The following RAB7B variants were observed in gnomAD, a reference collection of about 807,000 sequenced individuals.
RAB7B encodes ras-related protein Rab-7b.
chr1:205,994,289 A>T (rs1177144000), intron 1 of RAB7B, 138 bp from the exon 2 acceptor site: 1 of 391,370 alleles, frequency 2.6e-6, no homozygotes, highest in Non-Finnish European at 4.5e-6. Context: ...TCTCCGAAGG[A>T]GGCACGTAAT....
chr1:205,978,263 CT>C lies in RAB7B; in HGVS notation c.*587del, dbSNP rs1439180188. On this transcript the variant is annotated 3_prime_UTR_variant, in exon 6 of 6. Transcript: ENST00000617070. ...AATGAGCCATGGTCCCTTGTGGCTT[CT>C]CCTGTGCTCCCTCAGTCTTCTACCC... 1.3e-5 allele frequency: 2 copies of C among 152,172 alleles called. No individual in the cohort carries two copies. Among genetic ancestry groups the C allele is most frequent in the African/African-American group, 4.8e-5 (2 of 41,432 alleles). 9.4% of individuals were successfully genotyped at this position (152,172 alleles called of 1,614,324 possible). A position where few individuals can be genotyped will look rare whatever the true frequency, so the allele number is the denominator to read the frequency against.
intron 1 of RAB7B, 173 bp from the exon 2 acceptor site, chr1:205,994,324 C>G (rs1660774384): frequency 8.1e-6 from 3 of 369,972 alleles, no homozygotes; most frequent in Non-Finnish European, 9.6e-6. Flanking sequence ...ATATCTTCTC[C>G]CTCACTTTCC....
At chr1:206,001,714 C>T (rs952492922) in intron 1 of RAB7B, among the ~76,000 whole-genome samples, 16 of 152,328 alleles carry the variant, frequency 1.1e-4, no homozygotes, top group Admixed American at 5.9e-4. Flanking sequence ...CTTTCCCCTT[C>T]TTGTCTGGCA....
chr1:205,980,481 T>A (rs2102630624), intron 5 of RAB7B, among the ~76,000 whole-genome samples: 1 of 152,372 alleles, frequency 6.6e-6, no homozygotes, highest in East Asian at 1.9e-4. Context: ...CCAGGCCTCT[T>A]GACAACTTGT....
chr1:205,982,520 T>C (rs1393619393), intron 5 of RAB7B, among the ~76,000 whole-genome samples: 6 of 152,192 alleles, frequency 3.9e-5, no homozygotes, highest in African/African-American at 1.4e-4. Flanking sequence ...TGTAATGCCC[T>C]CTCTGCACTA....
At chr1:205,989,575 T>C (rs1660681643) in intron 4 of RAB7B, among the ~76,000 whole-genome samples, 2 of 152,084 alleles carry the variant, frequency 1.3e-5, no homozygotes, top group East Asian at 3.9e-4. Context: ...AGGGCCTCTG[T>C]AAAATAAGAA....
intron 3 of RAB7B, 67 bp from the exon 4 acceptor site, chr1:205,992,762 C>T (rs1233929131): frequency 1.0e-5 from 4 of 398,376 alleles, no homozygotes; most frequent in East Asian, 3.6e-5. Context: ...AGCTGGATTA[C>T]ATCATGTCAA....
chr1:205,998,534 A>G (rs900012538), intron 1 of RAB7B, among the ~76,000 whole-genome samples: 46 of 152,336 alleles, frequency 3.0e-4, no homozygotes, highest in Middle Eastern at 6.8e-3. Flanking sequence ...AGGCTGCCAA[A>G]GTGGCAGAGA....
At chr1:206,000,293 G>T (rs1010129863) in intron 1 of RAB7B, among the ~76,000 whole-genome samples, 1 of 152,186 alleles carries the variant, frequency 6.6e-6, no homozygotes, top group African/African-American at 2.4e-5. Context: ...TGTTACACAA[G>T]CCTAAGTTGT....
At position 205,998,723 on chromosome 1, in the gene RAB7B, A is replaced by G. The variant is rs1032502810; in HGVS notation, c.-17+4530T>C. On this transcript the variant is annotated intron_variant, in intron 1 of 5. Coordinates refer to ENST00000617070, the MANE Select transcript of RAB7B (RefSeq NM_001164522.3). The stretch of plus-strand genomic sequence containing the variant: ...ACAAGCTAACATTTGTTTGGTGGGC[A>G]CTGTGCTGAGGGCTTTGTGAATACA... Among the ~76,000 whole-genome samples the G allele has an allele frequency of 2.8e-3, 428 of 152,368 alleles. 1 individual carries two copies. The highest frequency in any genetic ancestry group is 5.1e-3 in the Non-Finnish European group (347 of 68,042).
At chr1:206,000,161 T>TA (rs1208191353) in intron 1 of RAB7B, among the ~76,000 whole-genome samples, 2 of 152,216 alleles carry the variant, frequency 1.3e-5, no homozygotes, top group Non-Finnish European at 2.9e-5. Flanking sequence ...CTGAACGTTT[T>TA]ATATAGTGTG....
chr1:205,982,019 G>A (rs968793051), intron 5 of RAB7B, among the ~76,000 whole-genome samples: 31 of 152,268 alleles, frequency 2.0e-4, no homozygotes, highest in African/African-American at 6.3e-4. Context: ...CACCTACTCC[G>A]GTCTCTTTCA....
At chr1:205,998,727 T>G (rs892618225) in intron 1 of RAB7B, among the ~76,000 whole-genome samples, 11 of 152,252 alleles carry the variant, frequency 7.2e-5, no homozygotes, top group Non-Finnish European at 1.3e-4. Context: ...GTGGGCACTG[T>G]GCTGAGGGCT....
intron 1 of RAB7B, among the ~76,000 whole-genome samples, chr1:205,995,010 A>T (rs1326939422): frequency 6.6e-6 from 1 of 152,126 alleles, no homozygotes; most frequent in Admixed American, 6.5e-5. Flanking sequence ...ATTGCAAGGA[A>T]CAAAAACCAA....
chr1:205,984,394 A>G (rs1660553076), intron 5 of RAB7B, among the ~76,000 whole-genome samples: 1 of 152,182 alleles, frequency 6.6e-6, no homozygotes, highest in Admixed American at 6.5e-5. Flanking sequence ...TGCAGAGGGC[A>G]TCCCATGAGG....
chr1:205,985,826 TCCCCACCAG>T (rs1660594304), intron 4 of RAB7B, among the ~76,000 whole-genome samples, 161 bp from the exon 5 acceptor site: 1 of 144,748 alleles, frequency 6.9e-6, no homozygotes, highest in Non-Finnish European at 1.5e-5. Context: ...AGGCCCACCA[TCCCCACCAG>T]GCCCACCACC....
At chr1:205,984,145 C>A (rs1198632513) in intron 5 of RAB7B, 1 of 152,318 alleles carries the variant, frequency 6.6e-6, no homozygotes, top group Admixed American at 6.5e-5. Flanking sequence ...AGCCACACTT[C>A]TTGACCAAGC....
chr1:205,988,102 T>C lies in RAB7B; in HGVS notation c.397-2437A>G, dbSNP rs1045627848. 7.6e-4 allele frequency among the ~76,000 whole-genome samples: 115 copies of C among 152,270 alleles called. 1 individual carries two copies. Among genetic ancestry groups the C allele is most frequent in the African/African-American group, 2.7e-3 (112 of 41,552 alleles). On this transcript the variant is annotated intron_variant, in intron 4 of 5. Transcript: ENST00000617070. The stretch of plus-strand genomic sequence containing the variant: ...TCGGTACATTCATATTGTATTCACA[T>C]TGTACATTCCTTGCTATTCATCTTC...
intron 3 of RAB7B, among the ~76,000 whole-genome samples, 199 bp downstream of exon 3, chr1:205,993,221 A>G (rs1376264375): frequency 6.6e-6 from 1 of 152,212 alleles, no homozygotes; most frequent in Non-Finnish European, 1.5e-5. Context: ...TAAGCTAACC[A>G]ATGGTTATGG....
Sources: allele counts gnomAD v4.1 joint callset (sites outside exome capture counted in the v4.1 genomes callset), GRCh38; gene constraint gnomAD v4.1.1; transcripts MANE v1.5; gene names NCBI Gene and HGNC (gene_info 2026-07-23, HGNC 2026-07-21).